The following CSNK1D variants were observed in gnomAD, a reference collection of about 807,000 sequenced individuals.
CSNK1D encodes the protein casein kinase 1 delta.
In CSNK1D, 16 loss-of-function variants were observed where a neutral mutation model predicts 46.6. That is an observed-to-expected ratio of 0.34 (90% CI 0.23 to 0.52). CSNK1D has a LOEUF of 0.52. Among genes scored for constraint, CSNK1D ranks in the 20% least tolerant of loss-of-function variants. The pLI is 0.95. For missense variants in CSNK1D, 398 were observed against 578.4 expected (o/e 0.69, Z 3.20); for synonymous variants, 276 against 228.2 (o/e 1.21, Z -1.89).
intron 8 of CSNK1D, chr17:82,245,586 A>C: frequency 3.1e-6 from 1 of 322,330 alleles, no homozygotes; most frequent in Non-Finnish European, 6.0e-6. Flanking sequence ...TGAGCAGGAC[A>C]CAGACGCCCC....
chr17:82,248,285 GGA>G lies in CSNK1D; in HGVS notation c.1197+588_1197+589del. 1.0e-6 allele frequency: 1 copy of G among 987,254 alleles called. No homozygotes were observed. The highest frequency in any genetic ancestry group is 1.2e-6 in the Non-Finnish European group (1 of 831,066). The allele number at this position is 987,254 out of a possible 1,614,324, so 61.2% of individuals were successfully genotyped here. A position where few individuals can be genotyped will look rare whatever the true frequency, so the allele number is the denominator to read the frequency against. On this transcript the variant is annotated intron_variant, in intron 8 of 8. Coordinates refer to ENST00000314028, the MANE Select transcript of CSNK1D (RefSeq NM_001893.6). The surrounding 1 kb of genome is among the most constrained non-coding windows in gnomAD (Gnocchi z 4.1). ...GACAACAAAAGCCAGAGCGAGGAGA[GGA>G]GAGACCGCTGCAGGATGCTGAAGAG...
rs925465939 is a variant in CSNK1D at position 82,242,926 on chromosome 17, C to T, written c.*1855G>A. ...CGCACAAACGTTCTGGGCACTACATCGGGACCACAGATATTTACAAAGCAA... is the reference window on the plus strand; with the variant it reads ...CGCACAAACGTTCTGGGCACTACATTGGGACCACAGATATTTACAAAGCAA... On this transcript the variant is annotated 3_prime_UTR_variant, in exon 9 of 9. Coordinates refer to ENST00000314028, the MANE Select transcript of CSNK1D (RefSeq NM_001893.6). 9.1e-6 allele frequency: 9 copies of T among 985,446 alleles called. No individual in the cohort carries two copies. The highest frequency in any genetic ancestry group is 4.7e-5 in the South Asian group (1 of 21,296). 61.0% of individuals were successfully genotyped at this position (985,446 alleles called of 1,614,324 possible). A position where few individuals can be genotyped will look rare whatever the true frequency, so the allele number is the denominator to read the frequency against.
At chr17:82,270,862 C>T (rs529000024) in intron 1 of CSNK1D, among the ~76,000 whole-genome samples, 2 of 152,304 alleles carry the variant, frequency 1.3e-5, no homozygotes, top group Admixed American at 1.3e-4. Context: ...GTCAGAGCCA[C>T]AGCCGCCCGC....
At chr17:82,264,838 T>C (rs1274003967) in intron 2 of CSNK1D, among the ~76,000 whole-genome samples, 7 of 148,664 alleles carry the variant, frequency 4.7e-5, no homozygotes, top group Admixed American at 4.7e-4. Flanking sequence ...CGCTCTTTCA[T>C]CCAGGCTGGA....
intron 8 of CSNK1D, chr17:82,246,719 G>A (rs912642455): frequency 9.1e-6 from 9 of 992,280 alleles, no homozygotes; most frequent in East Asian, 1.1e-4. Context: ...ACCCAGCCAC[G>A]GCCAGCAAGC....
At chr17:82,268,760 C>T (rs562510137) in intron 1 of CSNK1D, among the ~76,000 whole-genome samples, 5 of 152,204 alleles carry the variant, frequency 3.3e-5, no homozygotes, top group South Asian at 4.2e-4. Context: ...TAATGTTAGT[C>T]CTACAAAAAC....
rs115866880 is a variant in CSNK1D, at chr17:82,258,539, C to A, written c.188-2962G>T. Among the ~76,000 whole-genome samples, 9 of 152,158 alleles carry A rather than the reference C, an allele frequency of 5.9e-5. No homozygotes were observed. In the East Asian group the frequency reaches 1.7e-3, roughly 29 times the overall value. ...CAACCTTATTACGGATTTGTGAATT[C>A]TTTTCTCTCTCTAGATGCAGCATTA... On this transcript the variant is annotated intron_variant, in intron 2 of 8. Transcript: ENST00000314028.
chr17:82,243,081 A>T lies in CSNK1D; in HGVS notation c.*1700T>A, dbSNP rs534987749. ...CCACCCCAACCTCCCTCTGTACTTC[A>T]ACACACAGCTCCCACCCGCTCAAGG... On this transcript the variant is annotated 3_prime_UTR_variant, in exon 9 of 9. Transcript: ENST00000314028. 1,541 of 985,308 alleles carry T rather than the reference A, an allele frequency of 1.6e-3. No homozygotes were observed. Among genetic ancestry groups the T allele is most frequent in the Non-Finnish European group, 1.8e-3 (1,464 of 829,950 alleles). The allele number at this position is 985,308 out of a possible 1,614,324, so 61.0% of individuals were successfully genotyped here. A position where few individuals can be genotyped will look rare whatever the true frequency, so the allele number is the denominator to read the frequency against.
rs1329000445 is a variant in CSNK1D at position 82,247,801 on chromosome 17, G to A, written c.1197+1074C>T. The A allele has an allele frequency of 1.2e-5, 12 of 985,260 alleles. No homozygotes were observed. The African/African-American group carries it at 1.2e-4, about 10-fold the overall frequency. 61.0% of individuals were successfully genotyped at this position (985,260 alleles called of 1,614,324 possible). A position where few individuals can be genotyped will look rare whatever the true frequency, so the allele number is the denominator to read the frequency against. On this transcript the variant is annotated intron_variant, in intron 8 of 8. Transcript: ENST00000314028. ...ATAACCACAAAGTCAAAATAACCAC[G>A]AAGCCAAAATCCCTGCATCTTTGGT...
rs1349035858 is a variant in CSNK1D, at chr17:82,252,771, C to CTCTCACCCAGAG, written c.566-179_566-168dup. On this transcript the variant is annotated intron_variant, in intron 4 of 8. Transcript: ENST00000314028. The surrounding 1 kb of genome is among the most constrained non-coding windows in gnomAD (Gnocchi z 4.6). Reference sequence around the variant, plus strand: ...ACCTCGGACACACATGCCCAGATCACTCTCACCCAGAGCTGCCCCTCATGC... The same window carrying CTCTCACCCAGAG: ...ACCTCGGACACACATGCCCAGATCACTCTCACCCAGAGTCTCACCCAGAGCTGCCCCTCATGC... Among the ~76,000 whole-genome samples the CTCTCACCCAGAG allele has an allele frequency of 6.6e-6, 1 of 152,250 alleles. No homozygotes were observed. Among genetic ancestry groups the CTCTCACCCAGAG allele is most frequent in the Non-Finnish European group, 1.5e-5 (1 of 68,046 alleles).
At chr17:82,265,563 A>G (rs1261876282) in intron 2 of CSNK1D, 123 bp downstream of exon 2, 2 of 779,186 alleles carry the variant, frequency 2.6e-6, no homozygotes, top group Non-Finnish European at 4.6e-6. Flanking sequence ...CAGGGTGTGG[A>G]GAACACTTCC....
At chr17:82,246,968 C>A in intron 8 of CSNK1D, 1 of 985,508 alleles carries the variant, frequency 1.0e-6, no homozygotes, top group Non-Finnish European at 1.2e-6. Context: ...ACAGCCACCA[C>A]GTGTGCTGGT....
Position 82,251,042 on chromosome 17 carries a change from A to C in CSNK1D, c.885+337T>G. ...GCACCACGACCATGTGGCACAGCGA[A>C]TGGGAATGCGCACCCCCAGCCCCCA... On this transcript the variant is annotated intron_variant, in intron 6 of 8. Transcript: ENST00000314028. This position sits in a 1 kb window ranked among gnomAD's most constrained non-coding sequence, Gnocchi z 4.5. The C allele has an allele frequency of 8.1e-6, 3 of 369,982 alleles. No individual in the cohort carries two copies. The highest frequency in any genetic ancestry group is 1.6e-5 in the Non-Finnish European group (3 of 193,068). 22.9% of individuals were successfully genotyped at this position (369,982 alleles called of 1,614,324 possible). A position where few individuals can be genotyped will look rare whatever the true frequency, so the allele number is the denominator to read the frequency against.
At position 82,255,549 on chromosome 17, in the gene CSNK1D, C is replaced by G; in HGVS notation, c.216G>C (p.Gly72=). The G allele has an allele frequency of 6.2e-7, 1 of 1,614,150 alleles. No individual in the cohort carries two copies. The highest frequency in any genetic ancestry group is 8.5e-7 in the Non-Finnish European group (1 of 1,180,018). ...CCATGACGTTGTAGTCCCCCTCTGC[C>G]CCGCACCATCTGATGGTGGGGATGC... The part of the protein sequence containing the change: ...GVGIPTIRWC[G]AEGDYNVMVM... Residue 72 remains glycine (G), a synonymous_variant, in exon 3 of 9, where the codon GGG becomes GGC. Coordinates refer to ENST00000314028, the MANE Select transcript of CSNK1D (RefSeq NM_001893.6). The surrounding 1 kb of genome is among the most constrained non-coding windows in gnomAD (Gnocchi z 5.9).
intron 1 of CSNK1D, among the ~76,000 whole-genome samples, chr17:82,268,110 G>A (rs1599620220): frequency 2.0e-5 from 3 of 152,360 alleles, no homozygotes; most frequent in East Asian, 3.9e-4. Flanking sequence ...GTCGCCCCGA[G>A]TCTCTACAGG....
chr17:82,243,532 T>C lies in CSNK1D; in HGVS notation c.*1249A>G, dbSNP rs1201533394. 7 of 985,342 alleles carry C rather than the reference T, an allele frequency of 7.1e-6. No individual in the cohort carries two copies. In the African/African-American group the frequency reaches 1.2e-4, roughly 17 times the overall value. The allele number at this position is 985,342 out of a possible 1,614,324, so 61.0% of individuals were successfully genotyped here. A position where few individuals can be genotyped will look rare whatever the true frequency, so the allele number is the denominator to read the frequency against. On this transcript the variant is annotated 3_prime_UTR_variant, in exon 9 of 9. Coordinates refer to ENST00000314028, the MANE Select transcript of CSNK1D (RefSeq NM_001893.6). Reference sequence around the variant, plus strand: ...GGGACTCGGCCCCACGCACGCTGCTTCACTTCTGACCAACAGACACGCGCC... The same window carrying C: ...GGGACTCGGCCCCACGCACGCTGCTCCACTTCTGACCAACAGACACGCGCC...
In CSNK1D at chr17:82,249,556, C is replaced by A. The variant is rs764181633; in HGVS notation, c.932G>T (p.Arg311Leu). 2 of 1,550,888 alleles carry A rather than the reference C, an allele frequency of 1.3e-6. No homozygotes were observed. The highest frequency in any genetic ancestry group is 2.4e-5 in the South Asian group (2 of 84,448). ...CCGCGAGTGTCTCAGCCGCTCCTCT[C>A]GGTCCCTGCGCTCCCGCTCGGCGTC... Reference protein sequence around the residue: ...ADDAERERRDREERLRHSRNP... With the variant: ...ADDAERERRDLEERLRHSRNP... Residue 311 changes from arginine to leucine, a missense_variant, in exon 7 of 9, where the codon CGA (arginine) becomes CTA (leucine). Physicochemically the swap from Arg to Leu is moderately radical, Grantham distance 102. Around this residue, in one of 2 missense-constraint regions of CSNK1D, gnomAD observed 181 missense variants for 208.0 expected, o/e 0.87. Transcript: ENST00000314028. This position sits in a 1 kb window ranked among gnomAD's most constrained non-coding sequence, Gnocchi z 6.7.
rs529158325 is a variant in CSNK1D, at chr17:82,243,667, G to A, written c.*1114C>T. The A allele has an allele frequency of 2.2e-5, 22 of 985,352 alleles. No individual in the cohort carries two copies. Among genetic ancestry groups the A allele is most frequent in the Non-Finnish European group, 2.5e-5 (21 of 829,972 alleles). 61.0% of individuals were successfully genotyped at this position (985,352 alleles called of 1,614,324 possible). ...TCAGGGTGGGTCCTTCTGGCCTGCC[G>A]GCTTTTCTGAGCTAGTCTTGGCACG... On this transcript the variant is annotated 3_prime_UTR_variant, in exon 9 of 9. Transcript: ENST00000314028.
Position 82,255,442 on chromosome 17 carries a change from A to T in CSNK1D, c.323T>A (p.Leu108His). Residue 108 changes from leucine to histidine, a missense_variant, in exon 3 of 9, where the codon CTT becomes CAT. By Grantham distance (99) the Leu-to-His change is moderately conservative. Coordinates refer to ENST00000314028, the MANE Select transcript of CSNK1D (RefSeq NM_001893.6). The surrounding 1 kb of genome is among the most constrained non-coding windows in gnomAD (Gnocchi z 5.9). Reference sequence around the variant, plus strand: ...AACAGTCCTTACCATTTGGTCAGCAAGCAGCAGGACGGTTTTGAGGCTGAA... The same window carrying T: ...AACAGTCCTTACCATTTGGTCAGCATGCAGCAGGACGGTTTTGAGGCTGAA... Reference protein sequence around the residue: ...RKFSLKTVLLLADQMISRIEY... With the variant: ...RKFSLKTVLLHADQMISRIEY... 1 of 1,614,182 alleles carries T rather than the reference A, an allele frequency of 6.2e-7. No homozygotes were observed. The highest frequency in any genetic ancestry group is 8.5e-7 in the Non-Finnish European group (1 of 1,180,032).
Sources: gnomAD v4.1 joint callset for allele counts (sites outside exome capture counted in the v4.1 genomes callset) on GRCh38, gnomAD v4.1.1 for gene constraint, gnomAD v4.1.1 regional missense constraint, Gnocchi (gnomAD v3.1) non-coding constraint, MANE v1.5 for transcripts, NCBI Gene and HGNC (gene_info 2026-07-23, HGNC 2026-07-21) for gene names.